The following ELMO1 variants were observed in gnomAD, a reference collection of about 807,000 sequenced individuals.
ELMO1 encodes the protein engulfment and cell motility 1.
Under a neutral mutation model 98.9 loss-of-function variants are expected in ELMO1, and 26 were observed. That is an observed-to-expected ratio of 0.26 (90% confidence interval 0.19 to 0.36). ELMO1 has a LOEUF of 0.36. ELMO1 is among the 10% of genes least tolerant of loss of function. ELMO1 has a pLI of 1.00. For missense variants in ELMO1, 627 were observed against 935.2 expected, an observed-to-expected ratio of 0.67 and a Z score of 4.30; for synonymous variants, 346 against 346.0, an observed-to-expected ratio of 1.00 and a Z score of 0.00.
At chr7:36,916,664 C>A (rs1784713887) in intron 16 of ELMO1, among the ~76,000 whole-genome samples, 3 of 152,212 alleles carry the variant, frequency 2.0e-5, no homozygotes, top group Admixed American at 2.0e-4. Context: ...CTTGTGTGGG[C>A]TAAATTGAGG....
At chr7:37,092,522 G>A (rs1784161857) in intron 15 of ELMO1, among the ~76,000 whole-genome samples, 2 of 151,798 alleles carry the variant, frequency 1.3e-5, no homozygotes, top group Non-Finnish European at 2.9e-5. Flanking sequence ...GGGACTACAG[G>A]CACCCGCCAC....
chr7:36,924,765 G>A (rs1364397974), intron 16 of ELMO1, among the ~76,000 whole-genome samples: 3 of 152,114 alleles, frequency 2.0e-5, no homozygotes. Context: ...CATGGTGGGG[G>A]GTGGCACTGG....
intron 16 of ELMO1, among the ~76,000 whole-genome samples, chr7:36,943,265 T>G (rs1280705561): frequency 6.6e-6 from 1 of 152,230 alleles, no homozygotes; most frequent in African/African-American, 2.4e-5. Context: ...GTTATGCAGT[T>G]CTGTGACTGT....
intron 15 of ELMO1, among the ~76,000 whole-genome samples, chr7:37,094,270 A>G (rs1042145343): frequency 1.3e-5 from 2 of 152,288 alleles, no homozygotes; most frequent in African/African-American, 4.8e-5. Flanking sequence ...TCTTCTCTCC[A>G]TCAGAAGGTG....
intron 15 of ELMO1, among the ~76,000 whole-genome samples, chr7:37,071,456 TAA>T (rs1392468171): frequency 6.6e-6 from 1 of 152,190 alleles, no homozygotes; most frequent in African/African-American, 2.4e-5. Context: ...AGAGATTTCA[TAA>T]CTGTGTTTCA....
At position 36,970,911 on chromosome 7, in the gene ELMO1, G is replaced by A. The variant is rs1391617812; in HGVS notation, c.1437+42388C>T. On this transcript the variant is annotated intron_variant, in intron 16 of 21. Transcript: ENST00000310758. ...GGCTGCTCACATGAGGGAGACATGA[G>A]GGGAGAGGCCAGGAGCCTTGCCATT... Among the ~76,000 whole-genome samples, 4 of 152,336 alleles carry A rather than the reference G, an allele frequency of 2.6e-5. No individual in the cohort carries two copies. In the East Asian group the frequency reaches 5.8e-4, roughly 22 times the overall value.
chr7:36,974,194 C>A (rs984022905), intron 16 of ELMO1, among the ~76,000 whole-genome samples: 1 of 152,264 alleles, frequency 6.6e-6, no homozygotes, highest in Non-Finnish European at 1.5e-5. Context: ...GTGAAGCCAG[C>A]TGGGCTCCTG....
At chr7:36,895,053 G>A (rs1457327639) in intron 16 of ELMO1, 36 bp from the exon 17 acceptor site, 32 of 1,608,096 alleles carry the variant, frequency 2.0e-5, no homozygotes, top group Non-Finnish European at 2.6e-5. Flanking sequence ...TTTCCTGGGG[G>A]CTGACCTTTC....
At chr7:37,411,965 G>A (rs548888251) in intron 1 of ELMO1, among the ~76,000 whole-genome samples, 2 of 152,202 alleles carry the variant, frequency 1.3e-5, no homozygotes, top group African/African-American at 4.8e-5. Context: ...CTCCACAGAG[G>A]AGAAAATTCT....
intron 15 of ELMO1, among the ~76,000 whole-genome samples, chr7:37,065,227 TGG>T (rs1295066169): frequency 6.6e-6 from 1 of 151,706 alleles, no homozygotes; most frequent in East Asian, 1.9e-4. Context: ...TTGCCCAGGC[TGG>T]TCTTGAACTT....
intron 16 of ELMO1, among the ~76,000 whole-genome samples, chr7:37,003,285 G>A (rs1463510332): frequency 1.3e-5 from 2 of 152,188 alleles, no homozygotes; most frequent in Non-Finnish European, 2.9e-5. Context: ...GTACTCGGGA[G>A]GCTGGGGTGG....
chr7:37,298,435 C>T (rs1403836539), intron 4 of ELMO1, among the ~76,000 whole-genome samples: 1 of 130,882 alleles, frequency 7.6e-6, no homozygotes, highest in African/African-American at 3.0e-5. Context: ...GTATATCTCC[C>T]AATGCTATCC....
At chr7:37,382,421 A>T (rs1583659370) in intron 1 of ELMO1, among the ~76,000 whole-genome samples, 1 of 152,236 alleles carries the variant, frequency 6.6e-6, no homozygotes, top group African/African-American at 2.4e-5. Context: ...TATGCCATTC[A>T]AAAATACGCC....
intron 13 of ELMO1, among the ~76,000 whole-genome samples, chr7:37,190,395 A>G (rs530709882): frequency 6.6e-6 from 1 of 152,368 alleles, no homozygotes; most frequent in South Asian, 2.1e-4. Flanking sequence ...TAAAACATGA[A>G]GAAAGAAAAT....
chr7:37,153,891 C>T (rs1266396740), intron 13 of ELMO1, among the ~76,000 whole-genome samples: 7 of 152,156 alleles, frequency 4.6e-5, no homozygotes, highest in Non-Finnish European at 7.3e-5. Flanking sequence ...GACTAGAAGA[C>T]ACCTCCCAGT....
At position 37,372,818 on chromosome 7, in the gene ELMO1, T is replaced by C. The variant is rs138960554; in HGVS notation, c.-73-30055A>G. On this transcript the variant is annotated intron_variant, in intron 1 of 21. Coordinates refer to ENST00000310758, the MANE Select transcript of ELMO1 (RefSeq NM_014800.11). ...CCTCACTCATTAGGGGATCTGGCAA[T>C]TGGTGCTTCTCAACATACTTTTTCA... Among the ~76,000 whole-genome samples the C allele has an allele frequency of 1.1e-4, 16 of 152,362 alleles. 1 individual carries two copies. The highest frequency in any genetic ancestry group is 6.8e-3 in the Middle Eastern group (2 of 294).
At chr7:37,417,469 G>A (rs1804271344) in intron 1 of ELMO1, among the ~76,000 whole-genome samples, 1 of 152,130 alleles carries the variant, frequency 6.6e-6, no homozygotes, top group Non-Finnish European at 1.5e-5. Context: ...AGACCATCTG[G>A]CTAACATGGT....
At chr7:37,213,038 T>G (rs770328173) in intron 12 of ELMO1, among the ~76,000 whole-genome samples, 1 of 152,192 alleles carries the variant, frequency 6.6e-6, no homozygotes, top group Non-Finnish European at 1.5e-5. Context: ...GCTACTACTA[T>G]TAAATGTTAC....
intron 1 of ELMO1, among the ~76,000 whole-genome samples, chr7:37,348,122 T>C (rs1801097535): frequency 6.6e-6 from 1 of 152,154 alleles, no homozygotes; most frequent in Non-Finnish European, 1.5e-5. Flanking sequence ...GTTGTATGAA[T>C]GCATCCCCTC....
Sources: gnomAD v4.1 joint callset for allele counts (sites outside exome capture counted in the v4.1 genomes callset) on GRCh38, gnomAD v4.1.1 for gene constraint, MANE v1.5 for transcripts, NCBI Gene and HGNC (gene_info 2026-07-23, HGNC 2026-07-21) for gene names.